ADRA1A: variants seen among roughly 807,000 people sequenced by gnomAD.
The protein encoded by ADRA1A is adrenoceptor alpha 1A.
In ADRA1A, 31 loss-of-function variants were observed where a neutral mutation model predicts 29.6. The observed-to-expected ratio is 1.05, with a 90% CI of 0.79 to 1.41. The LOEUF is 1.41. Among genes scored for constraint, ADRA1A ranks in the 40% most tolerant of loss-of-function variants. ADRA1A has a pLI of 0.00. For synonymous variants in ADRA1A, 311 were observed against 254.3 expected (o/e 1.22, Z -2.12); for missense variants, 619 against 601.1 (o/e 1.03, Z -0.31).
Position 26,865,278 on chromosome 8 carries a change from C to G in ADRA1A, c.-309G>C. On this transcript the variant is annotated 5_prime_UTR_variant, in exon 2 of 3. Coordinates refer to ENST00000380573, the MANE Select transcript of ADRA1A (RefSeq NM_000680.4). This position sits in a 1 kb window ranked among gnomAD's most constrained non-coding sequence, Gnocchi z 7.6. ...ACCCGGACTCCCTCCCTACCCGAAG[C>G]TGGGTGCGAAGATCCAGGAGACTCC... 8.0e-7 allele frequency: 1 copy of G among 1,242,964 alleles called. No homozygotes were observed. The highest frequency in any genetic ancestry group is 2.3e-5 in the South Asian group (1 of 44,280). The allele number at this position is 1,242,964 out of a possible 1,614,324, so 77.0% of individuals were successfully genotyped here. A position where few individuals can be genotyped will look rare whatever the true frequency, so the allele number is the denominator to read the frequency against.
intron 2 of ADRA1A, among the ~76,000 whole-genome samples, chr8:26,760,203 CA>C (rs1292266007): frequency 6.6e-6 from 1 of 152,138 alleles, no homozygotes; most frequent in Non-Finnish European, 1.5e-5. Context: ...CACTGTGAGG[CA>C]ATACAAGGGT....
intron 2 of ADRA1A, among the ~76,000 whole-genome samples, chr8:26,795,458 A>T (rs1461585475): frequency 6.6e-6 from 1 of 151,906 alleles, no homozygotes; most frequent in Non-Finnish European, 1.5e-5. Context: ...CCAGGCGTTT[A>T]TCCCACCTTT....
intron 2 of ADRA1A, among the ~76,000 whole-genome samples, chr8:26,790,636 A>G (rs950449182): frequency 6.6e-6 from 1 of 152,130 alleles, no homozygotes; most frequent in Admixed American, 6.6e-5. Flanking sequence ...GATCTTATAA[A>G]TGTTTGAAGT....
chr8:26,863,202 T>C (rs560564421), intron 2 of ADRA1A, among the ~76,000 whole-genome samples: 1 of 152,204 alleles, frequency 6.6e-6, no homozygotes, highest in Non-Finnish European at 1.5e-5. Flanking sequence ...AAACTAAAAA[T>C]AGCACACAAC....
chr8:26,748,512 A>C (rs1027506604), exon 3 of ADRA1A: 4 of 282,508 alleles, frequency 1.4e-5, no homozygotes, highest in Non-Finnish European at 2.1e-5. Flanking sequence ...AGGCTGAGGC[A>C]GGCAGATCAT....
chr8:26,861,301 C>CTTTTT (rs775416005), intron 2 of ADRA1A, among the ~76,000 whole-genome samples: 1 of 42,500 alleles, frequency 2.4e-5, no homozygotes, highest in African/African-American at 7.8e-5. Context: ...CCCAGAGGCT[C>CTTTTT]TGTTTTTTTT....
chr8:26,834,671 A>C, intron 2 of ADRA1A, among the ~76,000 whole-genome samples: 1 of 152,330 alleles, frequency 6.6e-6, no homozygotes, highest in East Asian at 1.9e-4. Flanking sequence ...GCAGTCAGAT[A>C]GTTCTTCACT....
At chr8:26,771,797 C>G (rs1404101256) in intron 2 of ADRA1A, 1 of 153,528 alleles carries the variant, frequency 6.5e-6, no homozygotes. Flanking sequence ...ACCACGGACT[C>G]CATCTCAGAG....
chr8:26,818,476 A>C (rs1809918502), intron 2 of ADRA1A, among the ~76,000 whole-genome samples: 1 of 152,178 alleles, frequency 6.6e-6, no homozygotes, highest in African/African-American at 2.4e-5. Context: ...TGAACAATAG[A>C]CCCAGAAAAC....
At chr8:26,855,546 G>A (rs192247639) in intron 2 of ADRA1A, among the ~76,000 whole-genome samples, 4 of 152,084 alleles carry the variant, frequency 2.6e-5, no homozygotes, top group Non-Finnish European at 5.9e-5. Flanking sequence ...CACATGACAC[G>A]GGGAGGGGAA....
chr8:26,824,825 C>T (rs1431936052), intron 2 of ADRA1A, among the ~76,000 whole-genome samples: 1 of 152,212 alleles, frequency 6.6e-6, no homozygotes, highest in Non-Finnish European at 1.5e-5. Context: ...GTCACTTAAA[C>T]ACTAATTGCA....
intron 2 of ADRA1A, chr8:26,836,228 T>C (rs986167245): frequency 3.4e-5 from 8 of 236,138 alleles, no homozygotes; most frequent in Non-Finnish European, 7.4e-5. Context: ...TCATGTCTTT[T>C]GCCAAGGTGC....
chr8:26,785,658 T>A (rs915418238), intron 2 of ADRA1A, among the ~76,000 whole-genome samples: 1 of 152,176 alleles, frequency 6.6e-6, no homozygotes, highest in Non-Finnish European at 1.5e-5. Context: ...GCAGCTAGCA[T>A]TCAGCCATCA....
intron 2 of ADRA1A, among the ~76,000 whole-genome samples, chr8:26,857,300 C>T (rs1257279795): frequency 2.0e-5 from 3 of 152,032 alleles, no homozygotes; most frequent in Non-Finnish European, 2.9e-5. Flanking sequence ...TAGATGGCTG[C>T]TGCTTTAAGC....
intron 2 of ADRA1A, among the ~76,000 whole-genome samples, chr8:26,824,341 A>G (rs1360197474): frequency 6.6e-6 from 1 of 152,090 alleles, no homozygotes; most frequent in Admixed American, 6.6e-5. Context: ...ATTAAGGCCA[A>G]CTAGAGTCTC....
At chr8:26,824,077 G>A (rs536918830) in intron 2 of ADRA1A, among the ~76,000 whole-genome samples, 2 of 152,258 alleles carry the variant, frequency 1.3e-5, no homozygotes, top group Admixed American at 1.3e-4. Flanking sequence ...GATGTAGTAG[G>A]AGAGAGAAGA....
intron 2 of ADRA1A, among the ~76,000 whole-genome samples, chr8:26,817,679 G>A (rs930794635): frequency 6.6e-6 from 1 of 152,184 alleles, no homozygotes; most frequent in African/African-American, 2.4e-5. Flanking sequence ...TAGGGAGGCT[G>A]ACATTGGAGG....
intron 2 of ADRA1A, among the ~76,000 whole-genome samples, chr8:26,833,335 C>G (rs1432461920): frequency 1.3e-5 from 2 of 152,122 alleles, no homozygotes; most frequent in Admixed American, 1.3e-4. Context: ...TGACTGCCTT[C>G]TATTTTTGAA....
At chr8:26,828,018 T>G (rs931519085) in intron 2 of ADRA1A, among the ~76,000 whole-genome samples, 2 of 152,076 alleles carry the variant, frequency 1.3e-5, no homozygotes, top group Non-Finnish European at 2.9e-5. Context: ...CTCAACCTCC[T>G]GAGTAGCTGG....
Sources: allele counts gnomAD v4.1 joint callset (sites outside exome capture counted in the v4.1 genomes callset), GRCh38; gene constraint gnomAD v4.1.1; non-coding constraint Gnocchi (gnomAD v3.1); transcripts MANE v1.5; gene names NCBI Gene and HGNC (gene_info 2026-07-23, HGNC 2026-07-21).